Variants in GMDS observed in about 807,000 individuals in gnomAD.
The protein encoded by GMDS is GDP-mannose 4,6-dehydratase.
In GMDS, 20 loss-of-function variants were observed where a neutral mutation model predicts 49.9. That is an observed-to-expected ratio of 0.40 (90% CI 0.28 to 0.58). The LOEUF is 0.58. Among genes scored for constraint, GMDS ranks in the 20% least tolerant of loss-of-function variants. The probability of loss-of-function intolerance (pLI) is 0.42; values close to 1 mark genes in which losing one functional copy is unlikely to be tolerated. For missense variants in GMDS, 362 were observed against 481.4 expected, an observed-to-expected ratio of 0.75 and a Z score of 2.32; for synonymous variants, 177 against 178.6, an observed-to-expected ratio of 0.99 and a Z score of 0.07.
At chr6:2,041,248 GA>G (rs1290301497) in intron 4 of GMDS, among the ~76,000 whole-genome samples, 2 of 151,990 alleles carry the variant, frequency 1.3e-5, no homozygotes, top group Non-Finnish European at 2.9e-5. Flanking sequence ...AGTAAAAGGT[GA>G]AAAAAAGATT....
chr6:1,839,715 G>A (rs569279968), intron 7 of GMDS, among the ~76,000 whole-genome samples: 119 of 152,226 alleles, frequency 7.8e-4, no homozygotes, highest in Non-Finnish European at 1.2e-3. Flanking sequence ...GCTTCACAAT[G>A]AGCTCTGTCA....
intron 1 of GMDS, among the ~76,000 whole-genome samples, chr6:2,220,784 T>G (rs1219047879): frequency 6.6e-6 from 1 of 151,906 alleles, no homozygotes; most frequent in East Asian, 1.9e-4. Context: ...AAAAAAAATC[T>G]GAAACACTTG....
chr6:1,684,986 T>C (rs1310145627), intron 9 of GMDS, among the ~76,000 whole-genome samples: 1 of 151,152 alleles, frequency 6.6e-6, no homozygotes, highest in African/African-American at 2.4e-5. Context: ...CTTCAAATAC[T>C]ATGACACAAA....
intron 7 of GMDS, among the ~76,000 whole-genome samples, chr6:1,839,903 C>G (rs1267870489): frequency 6.6e-6 from 1 of 152,188 alleles, no homozygotes; most frequent in Non-Finnish European, 1.5e-5. Flanking sequence ...CCAGTTTCGT[C>G]TTCGGCTCGC....
intron 9 of GMDS, among the ~76,000 whole-genome samples, chr6:1,712,565 A>C (rs1581494632): frequency 6.6e-6 from 1 of 152,198 alleles, no homozygotes; most frequent in South Asian, 2.1e-4. Context: ...GCAAAATGTC[A>C]CTCACATGGA....
At chr6:1,796,145 A>G (rs535869246) in intron 7 of GMDS, among the ~76,000 whole-genome samples, 1 of 152,318 alleles carries the variant, frequency 6.6e-6, no homozygotes, top group Non-Finnish European at 1.5e-5. Flanking sequence ...TGAACTGTGG[A>G]CAGGGCTCTG....
At chr6:1,783,027 C>T (rs75349455) in intron 7 of GMDS, among the ~76,000 whole-genome samples, 2,960 of 152,012 alleles carry the variant, frequency 0.019, 32 homozygotes, top group Non-Finnish European at 0.033. Flanking sequence ...TGTTAGCATG[C>T]AACTGTGGTC....
chr6:1,815,184 T>C (rs937373949), intron 7 of GMDS, among the ~76,000 whole-genome samples: 9 of 151,596 alleles, frequency 5.9e-5, no homozygotes, highest in African/African-American at 2.2e-4. Context: ...TGTCACCCAA[T>C]GCATGTATTG....
intron 4 of GMDS, among the ~76,000 whole-genome samples, chr6:1,970,628 CAG>C (rs1424644083): frequency 6.6e-6 from 1 of 152,052 alleles, no homozygotes; most frequent in African/African-American, 2.4e-5. Flanking sequence ...GTCGAGTAGA[CAG>C]AGGTTTGAAG....
At chr6:1,736,865 T>C (rs143165921) in intron 8 of GMDS, among the ~76,000 whole-genome samples, 21 of 152,276 alleles carry the variant, frequency 1.4e-4, no homozygotes, top group African/African-American at 4.3e-4. Flanking sequence ...CACAGTGAGT[T>C]TGACAGTCCC....
intron 7 of GMDS, among the ~76,000 whole-genome samples, chr6:1,895,394 G>A (rs555980191): frequency 6.6e-6 from 1 of 152,222 alleles, no homozygotes; most frequent in South Asian, 2.1e-4. Flanking sequence ...CATGTGTAGT[G>A]GGGTCAGCCA....
intron 4 of GMDS, among the ~76,000 whole-genome samples, chr6:2,025,501 C>T (rs902505426): frequency 1.3e-5 from 2 of 151,106 alleles, no homozygotes; most frequent in Admixed American, 6.6e-5. Context: ...CATGCACACA[C>T]GCACACACAT....
rs1770652002 is a variant in GMDS, at chr6:1,816,000, CTA to C, written c.772-73416_772-73415del. Among the ~76,000 whole-genome samples, 4 of 152,228 alleles carry C rather than the reference CTA, an allele frequency of 2.6e-5. No homozygotes were observed. In the South Asian group the frequency reaches 8.3e-4, roughly 32 times the overall value. ...AATCCATTTCCCCACCTCTGACACA[CTA>C]TGGTTGCTAACATTCCCGGCTCTCT... On this transcript the variant is annotated intron_variant, in intron 7 of 10. Transcript: ENST00000380815.
chr6:2,113,809 T>G (rs1265476073), intron 4 of GMDS, among the ~76,000 whole-genome samples: 2 of 152,166 alleles, frequency 1.3e-5, no homozygotes, highest in Non-Finnish European at 2.9e-5. Context: ...TTGCATGAGG[T>G]ATGCACTCAA....
At chr6:2,204,508 C>T (rs1326824491) in intron 1 of GMDS, among the ~76,000 whole-genome samples, 1 of 152,208 alleles carries the variant, frequency 6.6e-6, no homozygotes, top group Non-Finnish European at 1.5e-5. Context: ...TACAAGCTCA[C>T]CTTCCAGAGC....
chr6:1,827,641 T>C (rs1771187563), intron 7 of GMDS, among the ~76,000 whole-genome samples: 1 of 152,194 alleles, frequency 6.6e-6, no homozygotes, highest in Non-Finnish European at 1.5e-5. Context: ...GAATTGCACA[T>C]ATTTTTTTTG....
intron 4 of GMDS, among the ~76,000 whole-genome samples, chr6:2,101,921 A>G (rs17134674): frequency 0.041 from 6,299 of 152,238 alleles, 426 homozygotes; most frequent in African/African-American, 0.14. Context: ...AAGTATCATA[A>G]GCACAAAACT....
At chr6:2,012,085 T>A (rs1474844586) in intron 4 of GMDS, among the ~76,000 whole-genome samples, 1 of 151,156 alleles carries the variant, frequency 6.6e-6, no homozygotes, top group African/African-American at 2.4e-5. Context: ...ACATAGAGAG[T>A]GGAATAAAAG....
At chr6:1,742,633 C>A in intron 7 of GMDS, 47 bp from the exon 8 acceptor site, 1 of 986,542 alleles carries the variant, frequency 1.0e-6, no homozygotes, top group Non-Finnish European at 1.6e-6. Flanking sequence ...CACTCAGTGG[C>A]CACACATTGT....
Sources: gnomAD v4.1 joint callset for allele counts (sites outside exome capture counted in the v4.1 genomes callset) on GRCh38, gnomAD v4.1.1 for gene constraint, MANE v1.5 for transcripts, NCBI Gene and HGNC (gene_info 2026-07-23, HGNC 2026-07-21) for gene names.